DYNC2I1: variants seen among roughly 807,000 people sequenced by gnomAD.
DYNC2I1 encodes cytoplasmic dynein 2 intermediate chain 1.
DYNC2I1 carries 89 observed loss-of-function variants against 133.4 expected under a neutral mutation model. The ratio of observed to expected loss-of-function variants is 0.67; its 90% CI spans 0.56 to 0.80. The LOEUF (loss-of-function observed/expected upper bound fraction) is 0.80, where lower values mean the gene tolerates loss of function less well. Among genes scored for constraint, DYNC2I1 ranks in the 30% least tolerant of loss-of-function variants. The pLI, the probability that DYNC2I1 is intolerant of heterozygous loss-of-function variation, is 0.00. For missense variants in DYNC2I1, 1,291 were observed against 1,314.5 expected, an observed-to-expected ratio of 0.98 and a Z score of 0.28; for synonymous variants, 504 against 484.3, an observed-to-expected ratio of 1.04 and a Z score of -0.54.
chr7:158,862,933 C>T (rs1450294179), intron 1 of DYNC2I1, among the ~76,000 whole-genome samples: 1 of 152,008 alleles, frequency 6.6e-6, no homozygotes, highest in Non-Finnish European at 1.5e-5. Flanking sequence ...TTGTTTGTTC[C>T]TCCCGGTGGG....
intron 1 of DYNC2I1, among the ~76,000 whole-genome samples, chr7:158,865,994 G>A (rs527755417): frequency 6.6e-6 from 1 of 152,244 alleles, no homozygotes; most frequent in South Asian, 2.1e-4. Context: ...TAAGAAAATG[G>A]CTGTTACTTT....
chr7:158,892,249 T>A (rs1321296756), intron 8 of DYNC2I1, among the ~76,000 whole-genome samples: 17 of 152,144 alleles, frequency 1.1e-4, no homozygotes. Context: ...ATAAGAAATG[T>A]GATGGTGTTA....
chr7:158,849,678 G>A, the DYNC2I1 span, among the ~76,000 whole-genome samples: 8 of 152,320 alleles, frequency 5.3e-5, no homozygotes, highest in African/African-American at 1.9e-4. Flanking sequence ...GATGTCTGCA[G>A]CTCTCAGCGG....
chr7:158,863,085 A>G (rs1002458580), intron 1 of DYNC2I1, among the ~76,000 whole-genome samples: 1 of 117,166 alleles, frequency 8.5e-6, no homozygotes, highest in African/African-American at 3.3e-5. Flanking sequence ...CACAGTGTGG[A>G]AGGGGACCCA....
downstream of DYNC2I1, among the ~76,000 whole-genome samples, chr7:158,947,114 C>A (rs1851910716): frequency 6.6e-6 from 1 of 152,232 alleles, no homozygotes; most frequent in Non-Finnish European, 1.5e-5. Flanking sequence ...CTTAGCCAAT[C>A]CTCATTCAAC....
chr7:158,938,519 GGTTGAAGCGGGTGGATCA>G (rs1851002309), intron 23 of DYNC2I1, among the ~76,000 whole-genome samples: 1 of 152,182 alleles, frequency 6.6e-6, no homozygotes, highest in African/African-American at 2.4e-5. Context: ...GCACTTTGAA[GGTTGAAGCGGGTGGATCA>G]GTTGAGGTCA....
intron 21 of DYNC2I1, among the ~76,000 whole-genome samples, chr7:158,933,917 A>G (rs1474279303): frequency 6.6e-6 from 1 of 152,376 alleles, no homozygotes; most frequent in East Asian, 1.9e-4. Context: ...ATATAGCTGA[A>G]GAAAGAATTA....
At chr7:158,873,624 ATTAC>A (rs1186967218) in intron 3 of DYNC2I1, among the ~76,000 whole-genome samples, 2 of 152,100 alleles carry the variant, frequency 1.3e-5, no homozygotes, top group African/African-American at 4.8e-5. Flanking sequence ...TTGTTGATTT[ATTAC>A]TTAAAGAAAT....
chr7:158,957,541 C>T (rs1033485155), downstream of DYNC2I1, among the ~76,000 whole-genome samples: 1 of 152,234 alleles, frequency 6.6e-6, no homozygotes, highest in Non-Finnish European at 1.5e-5. Flanking sequence ...AGCGCGGGCT[C>T]TACGCCGGGG....
Position 158,922,513 on chromosome 7 carries a change from T to C in DYNC2I1, c.2058T>C (p.Pro686=), listed in dbSNP as rs1490632030. ...YVLCVWDIWQ[P]SGPQKVLICE... Reference sequence around the variant, plus strand: ...TCTGTGTGTGGGATATTTGGCAGCCTTCAGGGCCACAGAAAGTTCTGATAT... The same window carrying C: ...TCTGTGTGTGGGATATTTGGCAGCCCTCAGGGCCACAGAAAGTTCTGATAT... The change falls in exon 16 of 25, where the codon CCT becomes CCC. Residue 686 remains proline (P), a synonymous_variant. Coordinates refer to ENST00000407559, the MANE Select transcript of DYNC2I1 (RefSeq NM_018051.5). The C allele has an allele frequency of 6.2e-7, 1 of 1,613,772 alleles. No individual in the cohort carries two copies. Among genetic ancestry groups the C allele is most frequent in the Non-Finnish European group, 8.5e-7 (1 of 1,179,882 alleles).
At chr7:158,854,507 G>C (rs911950397), upstream of DYNC2I1, among the ~76,000 whole-genome samples, 1 of 150,064 alleles carries the variant, frequency 6.7e-6, no homozygotes, top group Non-Finnish European at 1.5e-5. Flanking sequence ...GTCGGGGGGG[G>C]CTGGGGGATA....
chr7:158,840,360 G>A, the DYNC2I1 span, among the ~76,000 whole-genome samples: 1 of 152,220 alleles, frequency 6.6e-6, no homozygotes, highest in Non-Finnish European at 1.5e-5. Context: ...GAAGTCGGGA[G>A]TTCAAGACCA....
intron 5 of DYNC2I1, 127 bp from the exon 6 acceptor site, chr7:158,884,437 G>T: frequency 1.5e-6 from 1 of 665,998 alleles, no homozygotes; most frequent in South Asian, 2.6e-5. Context: ...TATTTTAAAA[G>T]GTACTTGTGA....
chr7:158,945,836 G>T lies in DYNC2I1; in HGVS notation c.*57G>T. 1 of 1,434,848 alleles carries T rather than the reference G, an allele frequency of 7.0e-7. No homozygotes were observed. The highest frequency in any genetic ancestry group is 9.2e-7 in the Non-Finnish European group (1 of 1,085,462). The allele number at this position is 1,434,848 out of a possible 1,614,324, so 88.9% of individuals were successfully genotyped here. ...ATGACCCAGATTTAAAAGACATAAG[G>T]TGGATAATTCTACATTTGTGTGCAA... On this transcript the variant is annotated 3_prime_UTR_variant, in exon 25 of 25. Transcript: ENST00000407559. The surrounding 1 kb of genome is among the most constrained non-coding windows in gnomAD (Gnocchi z 4.1).
intron 11 of DYNC2I1, among the ~76,000 whole-genome samples, chr7:158,909,735 T>C (rs1847199491): frequency 6.6e-6 from 1 of 152,178 alleles, no homozygotes. Flanking sequence ...CTGTTTCCAT[T>C]CAGGTTTGCA....
At chr7:158,885,113 G>T (rs1028013333) in intron 6 of DYNC2I1, among the ~76,000 whole-genome samples, 2 of 152,102 alleles carry the variant, frequency 1.3e-5, no homozygotes, top group African/African-American at 4.8e-5. Context: ...AAAACAGGAC[G>T]TGCCGGCGAG....
chr7:158,951,364 G>A (rs1052111597), intron 4 of DYNC2I1, among the ~76,000 whole-genome samples: 1 of 152,222 alleles, frequency 6.6e-6, no homozygotes. Flanking sequence ...GTCCCTGGGC[G>A]ATGGCACCAA....
At chr7:158,954,416 G>A (rs1056305126) in intron 4 of DYNC2I1, among the ~76,000 whole-genome samples, 13 of 152,296 alleles carry the variant, frequency 8.5e-5, no homozygotes, top group African/African-American at 2.9e-4. Context: ...AGGCCAAGGT[G>A]GGCAGATCAC....
At chr7:158,954,272 C>A (rs1474253432) in intron 4 of DYNC2I1, among the ~76,000 whole-genome samples, 1 of 152,292 alleles carries the variant, frequency 6.6e-6, no homozygotes, top group East Asian at 1.9e-4. Context: ...TCTTTATAAG[C>A]AGTGTGTGAA....
Sources: allele counts gnomAD v4.1 joint callset (sites outside exome capture counted in the v4.1 genomes callset), GRCh38; gene constraint gnomAD v4.1.1; non-coding constraint Gnocchi (gnomAD v3.1); transcripts MANE v1.5; gene names NCBI Gene and HGNC (gene_info 2026-07-23, HGNC 2026-07-21).